The following MAD1L1 variants were observed in gnomAD, a reference collection of about 807,000 sequenced individuals.
The protein encoded by MAD1L1 is mitotic spindle assembly checkpoint protein MAD1.
In MAD1L1, 95 loss-of-function variants were observed where a neutral mutation model predicts 96.9. That is an observed-to-expected ratio of 0.98 (90% CI 0.83 to 1.16). The LOEUF (loss-of-function observed/expected upper bound fraction) is 1.16, where lower values mean the gene tolerates loss of function less well. MAD1L1 is among the 50% of genes most tolerant of loss of function. The pLI is 0.00. For missense variants in MAD1L1, 1,007 were observed against 954.4 expected (o/e 1.06, Z -0.73); for synonymous variants, 473 against 396.6 (o/e 1.19, Z -2.29).
At chr7:2,205,388 C>G (rs149120815) in intron 10 of MAD1L1, among the ~76,000 whole-genome samples, 1 of 152,272 alleles carries the variant, frequency 6.6e-6, no homozygotes, top group East Asian at 1.9e-4. Flanking sequence ...GCTGTGAAAC[C>G]TAAAAAACTG....
intron 11 of MAD1L1, among the ~76,000 whole-genome samples, chr7:2,085,339 C>CGT (rs2128541673): frequency 6.6e-6 from 1 of 152,326 alleles, no homozygotes; most frequent in African/African-American, 2.4e-5. Context: ...CCCACCTCAC[C>CGT]GTGTGGTCTG....
chr7:2,114,100 AC>A lies in MAD1L1; in HGVS notation c.1073+35051del, dbSNP rs1256005766. ...GCTTCTGATAACTGTACACGGGCTC[AC>A]AAGACGTTACCCTCGGGAAAGCTGG... On this transcript the variant is annotated intron_variant, in intron 11 of 18. Transcript: ENST00000265854. The surrounding 1 kb of genome is among the most constrained non-coding windows in gnomAD (Gnocchi z 4.2). Among the ~76,000 whole-genome samples, 1 of 152,238 alleles carries A rather than the reference AC, an allele frequency of 6.6e-6. No individual in the cohort carries two copies. The highest frequency in any genetic ancestry group is 1.5e-5 in the Non-Finnish European group (1 of 68,040).
At chr7:2,133,632 C>T (rs2128569870) in intron 11 of MAD1L1, among the ~76,000 whole-genome samples, 1 of 152,358 alleles carries the variant, frequency 6.6e-6, no homozygotes, top group East Asian at 1.9e-4. Flanking sequence ...AATTGAGAGT[C>T]AGCTAGATAT....
At chr7:2,164,040 C>CCA (rs757919392) in intron 10 of MAD1L1, among the ~76,000 whole-genome samples, 18 of 152,130 alleles carry the variant, frequency 1.2e-4, no homozygotes, top group Non-Finnish European at 2.2e-4. Flanking sequence ...CCTCAACCCC[C>CCA]CACCTCAGGA....
At chr7:1,965,975 GGCCCATGCCTGGGTCC>G (rs1246713391) in intron 15 of MAD1L1, among the ~76,000 whole-genome samples, 2 of 152,224 alleles carry the variant, frequency 1.3e-5, no homozygotes, top group Non-Finnish European at 2.9e-5. Flanking sequence ...TCCCTGGGTC[GGCCCATGCCTGGGTCC>G]CATCCACACT....
At chr7:1,841,202 C>G (rs555635451) in intron 18 of MAD1L1, among the ~76,000 whole-genome samples, 74 of 152,298 alleles carry the variant, frequency 4.9e-4, no homozygotes, top group African/African-American at 1.7e-3. Context: ...GCTGTGCTTC[C>G]CTGGTCCTGG....
chr7:1,823,790 A>G (rs1782248272), intron 18 of MAD1L1, among the ~76,000 whole-genome samples: 1 of 152,132 alleles, frequency 6.6e-6, no homozygotes, highest in Non-Finnish European at 1.5e-5. Context: ...TCCAGATGAG[A>G]AGCCGCAGCT....
Position 1,941,210 on chromosome 7 carries a change from C to T in MAD1L1, c.1597-4313G>A, listed in dbSNP as rs1778981473. Among the ~76,000 whole-genome samples, 5 of 152,302 alleles carry T rather than the reference C, an allele frequency of 3.3e-5. No homozygotes were observed. In the South Asian group the frequency reaches 1.0e-3, roughly 32 times the overall value. On this transcript the variant is annotated intron_variant, in intron 16 of 18. Transcript: ENST00000265854. ...CGTTGGACCCAGCAGTGCCTGAGGA[C>T]GTCAAGTTCCCCGGGGTGGATGTCC...
At chr7:2,001,284 C>T (rs574075494) in intron 14 of MAD1L1, among the ~76,000 whole-genome samples, 2 of 152,260 alleles carry the variant, frequency 1.3e-5, no homozygotes, top group Admixed American at 6.5e-5. Context: ...CATGCAGACA[C>T]ACGCACGCAC....
intron 10 of MAD1L1, among the ~76,000 whole-genome samples, chr7:2,212,981 C>T (rs183807870): frequency 1.2e-4 from 18 of 152,362 alleles, no homozygotes; most frequent in Middle Eastern, 3.4e-3. Context: ...GTGGATATTC[C>T]GCTTCTGAAT....
At chr7:1,985,784 GTACTGCCCCC>G (rs11270626) in intron 14 of MAD1L1, among the ~76,000 whole-genome samples, 146,387 of 151,610 alleles carry the variant, frequency 0.97, 70,869 homozygotes, top group East Asian at 1. Context: ...CTTCCTTCCT[GTACTGCCCCC>G]TACTGCCCCC....
chr7:1,976,456 T>A (rs1316357107), intron 15 of MAD1L1, among the ~76,000 whole-genome samples: 1 of 152,132 alleles, frequency 6.6e-6, no homozygotes, highest in Non-Finnish European at 1.5e-5. Context: ...TTCCTCCCAG[T>A]GGGTTCGTGG....
chr7:1,869,876 G>A lies in MAD1L1; in HGVS notation c.1998+28324C>T, dbSNP rs575191118. 4.6e-5 allele frequency among the ~76,000 whole-genome samples: 7 copies of A among 152,282 alleles called. No individual in the cohort carries two copies. In the East Asian group the frequency reaches 7.7e-4, roughly 17 times the overall value. On this transcript the variant is annotated intron_variant, in intron 18 of 18. Coordinates refer to ENST00000265854, the MANE Select transcript of MAD1L1 (RefSeq NM_001013836.2). ...GGCAGGTTCAGGTCCAGCTGCTGAC[G>A]GAGGACCCAGGCTCGTCCCACAAGG...
chr7:2,156,384 T>G (rs1267140978), intron 10 of MAD1L1, among the ~76,000 whole-genome samples: 1 of 152,190 alleles, frequency 6.6e-6, no homozygotes, highest in East Asian at 1.9e-4. Flanking sequence ...CAGAGTCATC[T>G]GAGGCAACTC....
intron 17 of MAD1L1, among the ~76,000 whole-genome samples, chr7:1,929,350 T>A (rs1231822609): frequency 2.0e-5 from 3 of 152,212 alleles, no homozygotes; most frequent in African/African-American, 7.2e-5. Context: ...TTAATATTAA[T>A]GCATTCCCTA....
At chr7:2,179,244 T>C (rs1481326604) in intron 10 of MAD1L1, among the ~76,000 whole-genome samples, 1 of 151,928 alleles carries the variant, frequency 6.6e-6, no homozygotes, top group Non-Finnish European at 1.5e-5. Flanking sequence ...GAAAAATCAG[T>C]CTAGACCGGG....
At chr7:1,860,319 G>T (rs1784477712) in intron 18 of MAD1L1, among the ~76,000 whole-genome samples, 1 of 143,644 alleles carries the variant, frequency 7.0e-6, no homozygotes, top group Non-Finnish European at 1.5e-5. Context: ...CATCTGGCGG[G>T]GCGGCCTCTG....
intron 10 of MAD1L1, among the ~76,000 whole-genome samples, chr7:2,161,890 G>GTACCCAACAGCTCATT (rs1790155457): frequency 1.4e-5 from 2 of 147,638 alleles, no homozygotes; most frequent in African/African-American, 4.9e-5. Flanking sequence ...TCCGGGAGGT[G>GTACCCAACAGCTCATT]GGGGGCAGCC....
intron 12 of MAD1L1, among the ~76,000 whole-genome samples, chr7:2,018,680 G>T (rs899447346): frequency 2.6e-5 from 4 of 152,138 alleles, no homozygotes; most frequent in African/African-American, 9.7e-5. Context: ...CCACTTTCCA[G>T]AGAAGCCCAG....
Sources: allele counts gnomAD v4.1 joint callset (sites outside exome capture counted in the v4.1 genomes callset), GRCh38; gene constraint gnomAD v4.1.1; non-coding constraint Gnocchi (gnomAD v3.1); transcripts MANE v1.5; gene names NCBI Gene and HGNC (gene_info 2026-07-23, HGNC 2026-07-21).